B3GNT3: variants seen among roughly 807,000 people sequenced by gnomAD.
B3GNT3 encodes N-acetyllactosaminide beta-1,3-N-acetylglucosaminyltransferase 3.
In B3GNT3, 7 loss-of-function variants were observed where a neutral mutation model predicts 11.6. The observed-to-expected ratio is 0.60, with a 90% confidence interval of 0.34 to 1.13. The LOEUF is 1.13. Ranked by LOEUF, B3GNT3 falls within the 50% of genes most tolerant of loss-of-function variation. The pLI is 0.03. For synonymous variants in B3GNT3, 201 were observed against 222.1 expected (o/e 0.90, Z 0.85); for missense variants, 400 against 507.4 (o/e 0.79, Z 2.03).
chr19:17,802,615 G>A (rs977832210), intron 1 of B3GNT3, among the ~76,000 whole-genome samples: 8 of 152,146 alleles, frequency 5.3e-5, no homozygotes, highest in African/African-American at 1.9e-4. Flanking sequence ...TACGGAAAGA[G>A]CTGGAAAGGA....
intron 1 of B3GNT3, among the ~76,000 whole-genome samples, chr19:17,795,801 G>T (rs1289191944): frequency 1.2e-4 from 19 of 152,170 alleles, no homozygotes; most frequent in South Asian, 2.1e-4. Context: ...TTTAGTCAAA[G>T]GAAATTTTTG....
At chr19:17,804,288 G>A (rs1366468484) in intron 1 of B3GNT3, among the ~76,000 whole-genome samples, 2 of 128,988 alleles carry the variant, frequency 1.6e-5, no homozygotes, top group African/African-American at 3.0e-5. Context: ...CGCCCAGGCT[G>A]GAGTACAATG....
intron 1 of B3GNT3, among the ~76,000 whole-genome samples, chr19:17,804,959 C>G (rs188261648): frequency 4.3e-4 from 65 of 151,656 alleles, no homozygotes; most frequent in Middle Eastern, 3.4e-3. Context: ...AATCTCCCCC[C>G]ACCCAGCCTC....
intron 2 of B3GNT3, among the ~76,000 whole-genome samples, chr19:17,809,026 G>C (rs1349812940): frequency 6.6e-6 from 1 of 152,088 alleles, no homozygotes; most frequent in Non-Finnish European, 1.5e-5. Flanking sequence ...TAGAGACGGG[G>C]TTTCACCCTG....
chr19:17,795,260 G>A (rs1226010987), intron 1 of B3GNT3, 54 bp downstream of exon 1: 1 of 152,370 alleles, frequency 6.6e-6, no homozygotes, highest in Admixed American at 6.5e-5. Context: ...TGGGGGTTTG[G>A]GGGTGGGGAA....
chr19:17,799,101 G>A (rs974691127), intron 1 of B3GNT3, among the ~76,000 whole-genome samples: 4 of 152,100 alleles, frequency 2.6e-5, no homozygotes, highest in African/African-American at 9.7e-5. Context: ...GTAGTCAAAC[G>A]GGATTCTTCC....
At chr19:17,800,963 T>G (rs1293294917) in intron 1 of B3GNT3, among the ~76,000 whole-genome samples, 7 of 151,764 alleles carry the variant, frequency 4.6e-5, no homozygotes, top group Admixed American at 3.9e-4. Flanking sequence ...CGACAGAGGC[T>G]CTATCTAAAA....
chr19:17,799,768 CAGGCTGGTTA>C (rs558450847), intron 1 of B3GNT3, among the ~76,000 whole-genome samples: 90,347 of 151,298 alleles, frequency 0.6, 28,152 homozygotes, highest in African/African-American at 0.77. Context: ...AGCCAGCGAC[CAGGCTGGTTA>C]GGGGTATCCA....
rs1360694554 is a variant in B3GNT3 at position 17,812,499 on chromosome 19, A to C, written c.*377A>C. 5.4e-5 allele frequency: 11 copies of C among 201,980 alleles called. No homozygotes were observed. In the Admixed American group the frequency reaches 5.8e-4, roughly 11 times the overall value. 12.5% of individuals were successfully genotyped at this position (201,980 alleles called of 1,614,324 possible). Reference sequence around the variant, plus strand: ...CTAAGCAGTGCACCTGCAGTGGTTTAATGGCAGATAAGCTCCGTCTGCAGT... The same window carrying C: ...CTAAGCAGTGCACCTGCAGTGGTTTCATGGCAGATAAGCTCCGTCTGCAGT... On this transcript the variant is annotated 3_prime_UTR_variant, in exon 3 of 3. Transcript: ENST00000318683.
chr19:17,798,160 C>T (rs1215818439), intron 1 of B3GNT3, among the ~76,000 whole-genome samples: 2 of 152,200 alleles, frequency 1.3e-5, no homozygotes, highest in Non-Finnish European at 2.9e-5. Flanking sequence ...AGTTTCTTCA[C>T]CCCTAGAGGT....
chr19:17,806,944 G>GA (rs374487355), intron 1 of B3GNT3, among the ~76,000 whole-genome samples: 4,584 of 79,358 alleles, frequency 0.058, 152 homozygotes, highest in East Asian at 0.14. Context: ...TCCATCTCAA[G>GA]AAAAAAAAAA....
intron 1 of B3GNT3, among the ~76,000 whole-genome samples, chr19:17,807,144 G>GTGTGTGTGTGTGTGTA (rs1381305819): frequency 6.7e-6 from 1 of 150,348 alleles, no homozygotes; most frequent in African/African-American, 2.5e-5. Context: ...GTGTGTGTGT[G>GTGTGTGTGTGTGTGTA]TATTGGAGCA....
In B3GNT3 at chr19:17,811,277, A is replaced by G. The variant is rs1449488673; in HGVS notation, c.568-294A>G. ...CAGGGCTTGGCCAGGCAGAGTTGGA[A>G]GGAATAGCAATACATGTAAATGTAA... On this transcript the variant is annotated intron_variant, in intron 2 of 2. Transcript: ENST00000318683. This position sits in a 1 kb window ranked among gnomAD's most constrained non-coding sequence, Gnocchi z 4.1. Among the ~76,000 whole-genome samples the G allele has an allele frequency of 6.6e-6, 1 of 152,198 alleles. No homozygotes were observed. The highest frequency in any genetic ancestry group is 1.5e-5 in the Non-Finnish European group (1 of 68,036).
At chr19:17,800,366 G>A (rs1419023423) in intron 1 of B3GNT3, among the ~76,000 whole-genome samples, 3 of 151,934 alleles carry the variant, frequency 2.0e-5, no homozygotes, top group Non-Finnish European at 2.9e-5. Flanking sequence ...CACAGCAAGC[G>A]AGACTCTGTC....
At chr19:17,804,533 CTT>C (rs67513010) in intron 1 of B3GNT3, among the ~76,000 whole-genome samples, 2 of 57,016 alleles carry the variant, frequency 3.5e-5, no homozygotes, top group African/African-American at 8.3e-5. Flanking sequence ...CCGTGCCCAG[CTT>C]TTTTTTTTTT....
chr19:17,804,942 G>C (rs1329925340), intron 1 of B3GNT3, among the ~76,000 whole-genome samples: 1 of 151,402 alleles, frequency 6.6e-6, no homozygotes, highest in African/African-American at 2.4e-5. Context: ...CCACCTAGAT[G>C]TTACCCAATC....
chr19:17,795,390 G>A (rs1014223587), intron 1 of B3GNT3, among the ~76,000 whole-genome samples, 184 bp downstream of exon 1: 2 of 152,178 alleles, frequency 1.3e-5, no homozygotes, highest in African/African-American at 4.8e-5. Context: ...AATTGTCTCC[G>A]GCGTTCCCAA....
Position 17,805,052 on chromosome 19 carries a change from C to T in B3GNT3, c.-50-2706C>T, listed in dbSNP as rs56213871. Among the ~76,000 whole-genome samples the T allele has an allele frequency of 7.8e-3, 1,177 of 150,838 alleles. 14 individuals carry two copies. Among genetic ancestry groups the T allele is most frequent in the African/African-American group, 0.027 (1,113 of 40,990 alleles). Reference sequence around the variant, plus strand: ...TTTTATTTAGCAGAGACAGGGTCTCCCTTAGTTGCCCTGCCCTGACTGAAA... The same window carrying T: ...TTTTATTTAGCAGAGACAGGGTCTCTCTTAGTTGCCCTGCCCTGACTGAAA... On this transcript the variant is annotated intron_variant, in intron 1 of 2. Coordinates refer to ENST00000318683, the MANE Select transcript of B3GNT3 (RefSeq NM_014256.4).
chr19:17,801,070 C>T (rs1008383719), intron 1 of B3GNT3, among the ~76,000 whole-genome samples: 11 of 152,066 alleles, frequency 7.2e-5, no homozygotes, highest in African/African-American at 2.4e-4. Flanking sequence ...TTGGGCACAA[C>T]TTGCAACTTT....
Sources: gnomAD v4.1 joint callset for allele counts (sites outside exome capture counted in the v4.1 genomes callset) on GRCh38, gnomAD v4.1.1 for gene constraint, Gnocchi (gnomAD v3.1) non-coding constraint, MANE v1.5 for transcripts, NCBI Gene and HGNC (gene_info 2026-07-23, HGNC 2026-07-21) for gene names.